RPS6KC1: variants seen among roughly 807,000 people sequenced by gnomAD.
RPS6KC1 encodes inactive ribosomal protein S6 kinase delta-1.
RPS6KC1 carries 54 observed loss-of-function variants against 103.8 expected under a neutral mutation model. The observed-to-expected ratio is 0.52, with a 90% CI of 0.42 to 0.65. The LOEUF (loss-of-function observed/expected upper bound fraction) is 0.65. RPS6KC1 is among the 30% of genes least tolerant of loss of function. The pLI is 0.00. For synonymous variants in RPS6KC1, 439 were observed against 438.7 expected (o/e 1.00, Z -0.01); for missense variants, 1,151 against 1,253.8 (o/e 0.92, Z 1.24).
chr1:213,414,920 G>T, the RPS6KC1 span, among the ~76,000 whole-genome samples: 1 of 152,110 alleles, frequency 6.6e-6, no homozygotes, highest in Non-Finnish European at 1.5e-5. Context: ...CCCACACAGT[G>T]GTGCTCTACC....
the RPS6KC1 span, among the ~76,000 whole-genome samples, chr1:213,738,839 A>G: frequency 5.6e-5 from 2 of 35,876 alleles, no homozygotes; most frequent in Non-Finnish European, 1.2e-4. Context: ...TACTCTAAAA[A>G]ATAAATAAAT....
At chr1:213,157,406 A>G (rs2090017707) in intron 6 of RPS6KC1, among the ~76,000 whole-genome samples, 2 of 151,832 alleles carry the variant, frequency 1.3e-5, no homozygotes, top group African/African-American at 4.8e-5. Flanking sequence ...ACGGGGTTTC[A>G]CCGTGTTAGC....
the RPS6KC1 span, among the ~76,000 whole-genome samples, chr1:213,478,522 G>A: frequency 6.6e-6 from 1 of 152,142 alleles, no homozygotes; most frequent in Non-Finnish European, 1.5e-5. Context: ...AGCCTCACCA[G>A]TATTTGGTGC....
the RPS6KC1 span, among the ~76,000 whole-genome samples, chr1:213,788,685 T>C: frequency 6.6e-6 from 1 of 152,132 alleles, no homozygotes; most frequent in Non-Finnish European, 1.5e-5. Flanking sequence ...TCTGACACCA[T>C]GCGGATGGCC....
the RPS6KC1 span, among the ~76,000 whole-genome samples, chr1:213,554,972 A>G: frequency 6.6e-6 from 1 of 152,210 alleles, no homozygotes; most frequent in African/African-American, 2.4e-5. Context: ...CAAATATGAT[A>G]CAAGGATAGA....
the RPS6KC1 span, among the ~76,000 whole-genome samples, chr1:213,834,011 T>G: frequency 6.6e-6 from 1 of 152,154 alleles, no homozygotes; most frequent in East Asian, 1.9e-4. Flanking sequence ...TAAATTAAAG[T>G]GTGATAGGCT....
At position 213,150,317 on chromosome 1, in the gene RPS6KC1, TA is replaced by T. The variant is rs1459552385; in HGVS notation, c.836-17540del. Among the ~76,000 whole-genome samples, 23 of 150,950 alleles carry T rather than the reference TA, an allele frequency of 1.5e-4. No homozygotes were observed. The East Asian group carries it at 1.9e-3, about 13-fold the overall frequency. On this transcript the variant is annotated intron_variant, in intron 6 of 14. Coordinates refer to ENST00000366960, the MANE Select transcript of RPS6KC1 (RefSeq NM_012424.6). Reference sequence around the variant, plus strand: ...TATGTTATTTATTTATTTATTTATTTATTTATTTATTTTTTATTGATAATTC... The same window carrying T: ...TATGTTATTTATTTATTTATTTATTTTTTATTTATTTTTTATTGATAATTC...
At position 213,208,535 on chromosome 1, in the gene RPS6KC1, G is replaced by A. The variant is rs77371895; in HGVS notation, c.1045-21962G>A. ...TTTTTTCCATTTGGGTAACAATCTA[G>A]ATGTTTTGTTGGGAGATCAAACAAA... On this transcript the variant is annotated intron_variant, in intron 8 of 14. Transcript: ENST00000366960. Among the ~76,000 whole-genome samples the A allele has an allele frequency of 2.4e-3, 372 of 152,250 alleles. 1 individual carries two copies. The highest frequency in any genetic ancestry group is 0.01 in the Middle Eastern group (3 of 294).
chr1:213,277,869 A>G (rs551156265), downstream of RPS6KC1, among the ~76,000 whole-genome samples: 1 of 152,326 alleles, frequency 6.6e-6, no homozygotes, highest in Non-Finnish European at 1.5e-5. Context: ...TAAATGTCAA[A>G]TTGAAACACA....
the RPS6KC1 span, among the ~76,000 whole-genome samples, chr1:213,407,212 ACGCG>A: frequency 7.5e-4 from 44 of 58,472 alleles, no homozygotes; most frequent in East Asian, 1.5e-3. Context: ...TATTACATGC[ACGCG>A]CGCACACACA....
chr1:213,408,116 T>G, the RPS6KC1 span, among the ~76,000 whole-genome samples: 3 of 152,230 alleles, frequency 2.0e-5, no homozygotes, highest in African/African-American at 7.2e-5. Context: ...AATGTCAGAA[T>G]GTACCTGGCT....
chr1:213,747,794 T>C, the RPS6KC1 span, among the ~76,000 whole-genome samples: 1 of 152,206 alleles, frequency 6.6e-6, no homozygotes, highest in Non-Finnish European at 1.5e-5. Context: ...TAATGTGTAC[T>C]CTGCTGGTGT....
the RPS6KC1 span, among the ~76,000 whole-genome samples, chr1:213,492,052 T>A: frequency 2.6e-5 from 4 of 152,208 alleles, no homozygotes; most frequent in Non-Finnish European, 5.9e-5. Context: ...CCCCCGTATG[T>A]AAGCCCCCAG....
intron 6 of RPS6KC1, among the ~76,000 whole-genome samples, chr1:213,134,152 A>G (rs1308896026): frequency 6.6e-6 from 1 of 152,146 alleles, no homozygotes; most frequent in East Asian, 1.9e-4. Context: ...TCAACTTAAT[A>G]GCATGCTAAT....
At chr1:213,846,282 A>G in the RPS6KC1 span, among the ~76,000 whole-genome samples, 1 of 152,014 alleles carries the variant, frequency 6.6e-6, no homozygotes, top group East Asian at 1.9e-4. Flanking sequence ...CCTGGGTGAC[A>G]GAGCGAGACT....
chr1:213,137,582 C>T (rs1422684255), intron 6 of RPS6KC1, among the ~76,000 whole-genome samples: 4 of 151,426 alleles, frequency 2.6e-5, no homozygotes, highest in Non-Finnish European at 5.9e-5. Context: ...ATCTGCCCAC[C>T]TTGGCCTCCC....
At chr1:213,315,871 G>A in the RPS6KC1 span, among the ~76,000 whole-genome samples, 60 of 152,314 alleles carry the variant, frequency 3.9e-4, no homozygotes, top group African/African-American at 1.4e-3. Flanking sequence ...AAAGATTTTA[G>A]CTTAATGCCC....
At chr1:213,398,237 G>C in the RPS6KC1 span, among the ~76,000 whole-genome samples, 3 of 149,064 alleles carry the variant, frequency 2.0e-5, no homozygotes, top group African/African-American at 7.5e-5. Context: ...GTAGAGACAG[G>C]GTTTCACCAT....
At chr1:213,285,808 A>T in the RPS6KC1 span, among the ~76,000 whole-genome samples, 1 of 152,044 alleles carries the variant, frequency 6.6e-6, no homozygotes, top group East Asian at 1.9e-4. Flanking sequence ...GGTAAATGGG[A>T]CTAGTGCTCT....
Sources: allele counts gnomAD v4.1 joint callset (sites outside exome capture counted in the v4.1 genomes callset), GRCh38; gene constraint gnomAD v4.1.1; transcripts MANE v1.5; gene names NCBI Gene and HGNC (gene_info 2026-07-23, HGNC 2026-07-21).